EPM2A: variants seen among roughly 807,000 people sequenced by gnomAD.
EPM2A encodes EPM2A glucan phosphatase, laforin.
A neutral mutation model predicts 26.5 loss-of-function variants in EPM2A; 21 were observed. That is an observed-to-expected ratio of 0.79 (90% CI 0.56 to 1.14). The LOEUF (loss-of-function observed/expected upper bound fraction) is 1.14. Among genes scored for constraint, EPM2A ranks in the 50% most tolerant of loss-of-function variants. The pLI, the probability that EPM2A is intolerant of heterozygous loss-of-function variation, is 0.00. For missense variants in EPM2A, 458 were observed against 440.8 expected (o/e 1.04, Z -0.35); for synonymous variants, 217 against 177.6 (o/e 1.22, Z -1.76).
chr6:145,690,281 C>T (rs905631999), intron 1 of EPM2A, among the ~76,000 whole-genome samples: 11 of 151,818 alleles, frequency 7.2e-5, no homozygotes, highest in South Asian at 2.1e-4. Context: ...GAGGCCGAGG[C>T]GGGTGGATCA....
downstream of EPM2A, among the ~76,000 whole-genome samples, chr6:145,621,961 T>G (rs899347876): frequency 2.6e-5 from 4 of 152,210 alleles, no homozygotes; most frequent in African/African-American, 9.6e-5. Flanking sequence ...TCCACTTGCT[T>G]ATTTTTGCTT....
intron 2 of EPM2A, among the ~76,000 whole-genome samples, chr6:145,515,866 C>T (rs1024316783): frequency 2.6e-5 from 4 of 152,178 alleles, no homozygotes; most frequent in Non-Finnish European, 4.4e-5. Flanking sequence ...TGCATTTGTA[C>T]AGTGTATTCT....
intron 2 of EPM2A, among the ~76,000 whole-genome samples, chr6:145,647,416 C>G (rs1247418259): frequency 6.6e-6 from 1 of 152,186 alleles, no homozygotes; most frequent in African/African-American, 2.4e-5. Flanking sequence ...CCTTGATCTC[C>G]AATAGGCTCA....
rs1780976967 is a variant in EPM2A at position 145,572,809 on chromosome 6, C to T, written c.340+62436G>A. ...ACAGCAGCCTGGACCTGCTGCAGAA[C>T]TTTCTCCTGTTCTGGAACCCACTCA... On this transcript the variant is annotated intron_variant, in intron 2 of 3. Transcript: ENST00000450221. Among the ~76,000 whole-genome samples, 2 of 152,198 alleles carry T rather than the reference C, an allele frequency of 1.3e-5. 1 individual carries two copies. Among genetic ancestry groups the T allele is most frequent in the Non-Finnish European group, 2.9e-5 (2 of 68,028 alleles).
chr6:145,523,517 G>C (rs1177265356), intron 2 of EPM2A, among the ~76,000 whole-genome samples: 1 of 152,084 alleles, frequency 6.6e-6, no homozygotes, highest in Non-Finnish European at 1.5e-5. Context: ...TGAGATCAGT[G>C]ATCTTTGATG....
chr6:145,635,420 C>T lies in EPM2A; in HGVS notation c.543G>A (p.Lys181=). The T allele has an allele frequency of 6.2e-7, 1 of 1,614,056 alleles. No individual in the cohort carries two copies. The highest frequency in any genetic ancestry group is 8.5e-7 in the Non-Finnish European group (1 of 1,179,912). The change falls in exon 3 of 4, where the codon AAG becomes AAA. Residue 181 remains lysine (K), a synonymous_variant. Transcript: ENST00000367519. ...TTACAGCTGTAATCCCCAATTCATG[C>T]TTCAGTTTGATGGTTACATGTTCCA... is the stretch of plus-strand genomic sequence containing the variant. ...RQVEHVTIKL[K]HELGITAVMN...
intron 4 of EPM2A, among the ~76,000 whole-genome samples, chr6:145,470,810 T>G (rs1201443036): frequency 1.3e-5 from 2 of 152,194 alleles, no homozygotes; most frequent in Non-Finnish European, 2.9e-5. Context: ...TTTCATTAAA[T>G]GCTTTAGCTA....
chr6:145,732,065 A>G (rs1407077135), intron 1 of EPM2A, among the ~76,000 whole-genome samples: 1 of 152,208 alleles, frequency 6.6e-6, no homozygotes, highest in Non-Finnish European at 1.5e-5. Flanking sequence ...TTTCTCTCTG[A>G]TTTTACCATT....
chr6:145,687,684 C>T (rs1781018510), intron 1 of EPM2A, among the ~76,000 whole-genome samples: 1 of 152,032 alleles, frequency 6.6e-6, no homozygotes. Flanking sequence ...AATATTTAAC[C>T]TAAATTTGCT....
downstream of EPM2A, among the ~76,000 whole-genome samples, chr6:145,500,474 T>C (rs1779874973): frequency 1.3e-5 from 2 of 152,200 alleles, no homozygotes; most frequent in Admixed American, 1.3e-4. Flanking sequence ...GCCACTCAGA[T>C]ATGTGGAACA....
chr6:145,671,149 CA>C, intron 2 of EPM2A: 1 of 999,926 alleles, frequency 1.0e-6, no homozygotes, highest in Non-Finnish European at 1.2e-6. Flanking sequence ...CTGTTTACTC[CA>C]AAAAAGATTC....
intron 4 of EPM2A, among the ~76,000 whole-genome samples, chr6:145,438,469 ATTT>A (rs68038397): frequency 9.4e-5 from 11 of 117,226 alleles, no homozygotes; most frequent in Admixed American, 2.8e-4. Flanking sequence ...GAAGGGAATA[ATTT>A]TTTTTTTTTT....
At chr6:145,589,136 A>C (rs1442578130) in intron 2 of EPM2A, among the ~76,000 whole-genome samples, 1 of 152,184 alleles carries the variant, frequency 6.6e-6, no homozygotes, top group Non-Finnish European at 1.5e-5. Context: ...GCCAGAAAGA[A>C]AGGGACAGTG....
At chr6:145,561,293 G>C (rs1780801431) in intron 2 of EPM2A, among the ~76,000 whole-genome samples, 1 of 151,944 alleles carries the variant, frequency 6.6e-6, no homozygotes, top group Middle Eastern at 3.4e-3. Context: ...GTATGTAGTG[G>C]GCTATACCAT....
chr6:145,554,807 T>G (rs2114807932), intron 2 of EPM2A, among the ~76,000 whole-genome samples: 1 of 152,178 alleles, frequency 6.6e-6, no homozygotes, highest in Admixed American at 6.5e-5. Flanking sequence ...GGGAACACAT[T>G]AAAACCATAG....
At chr6:145,727,976 T>C (rs1345454281) in intron 1 of EPM2A, among the ~76,000 whole-genome samples, 4 of 152,192 alleles carry the variant, frequency 2.6e-5, no homozygotes, top group African/African-American at 9.7e-5. Context: ...TGCATTCTCA[T>C]GAGATCTGGT....
chr6:145,696,772 GGTATGTGTGTGTGTGTGT>G (rs957505469), intron 1 of EPM2A, among the ~76,000 whole-genome samples: 8 of 110,798 alleles, frequency 7.2e-5, no homozygotes, highest in African/African-American at 2.8e-4. Flanking sequence ...CACAGGTAGG[GGTATGTGTGTGTGTGTGT>G]GTGTGTGTGT....
At chr6:145,611,674 G>T (rs1450228711) in intron 2 of EPM2A, among the ~76,000 whole-genome samples, 1 of 152,022 alleles carries the variant, frequency 6.6e-6, no homozygotes, top group Non-Finnish European at 1.5e-5. Flanking sequence ...TTAGACAAAT[G>T]TAACAGGTCA....
chr6:145,407,095 T>C (rs890205549), intron 4 of EPM2A, among the ~76,000 whole-genome samples: 1 of 152,132 alleles, frequency 6.6e-6, no homozygotes, highest in Admixed American at 6.6e-5. Context: ...ACCCAGGGTC[T>C]TATTTCACTA....
Sources: allele counts gnomAD v4.1 joint callset (sites outside exome capture counted in the v4.1 genomes callset), GRCh38; gene constraint gnomAD v4.1.1; transcripts MANE v1.5; gene names NCBI Gene and HGNC (gene_info 2026-07-23, HGNC 2026-07-21).